Variants in IGF2BP2 observed in about 807,000 individuals in gnomAD.
IGF2BP2 encodes insulin-like growth factor 2 mRNA-binding protein 2.
A neutral mutation model predicts 75.8 loss-of-function variants in IGF2BP2; 17 were observed. The observed-to-expected ratio is 0.22, with a 90% confidence interval of 0.15 to 0.34. IGF2BP2 has a LOEUF of 0.34. IGF2BP2 is among the 10% of genes least tolerant of loss of function. IGF2BP2 has a pLI of 1.00. For missense variants in IGF2BP2, 516 were observed against 772.4 expected, an observed-to-expected ratio of 0.67 and a Z score of 3.93; for synonymous variants, 288 against 295.6, an observed-to-expected ratio of 0.97 and a Z score of 0.26.
intron 3 of IGF2BP2, among the ~76,000 whole-genome samples, chr3:185,697,262 T>C (rs1722703825): frequency 6.6e-6 from 1 of 152,118 alleles, no homozygotes; most frequent in Admixed American, 6.6e-5. Flanking sequence ...CCTGTCACCA[T>C]GCCTGGCTAA....
At chr3:185,738,110 A>T (rs1368714181) in intron 2 of IGF2BP2, among the ~76,000 whole-genome samples, 1 of 152,246 alleles carries the variant, frequency 6.6e-6, no homozygotes, top group Non-Finnish European at 1.5e-5. Context: ...ATTCATAAAT[A>T]AAGGCATGAA....
intron 7 of IGF2BP2, among the ~76,000 whole-genome samples, chr3:185,676,492 C>A (rs994978288): frequency 2.2e-4 from 34 of 152,048 alleles, no homozygotes; most frequent in African/African-American, 8.2e-4. Context: ...GCCTCGGCAA[C>A]ATACTGAAAC....
chr3:185,750,588 TC>T (rs138008789), intron 2 of IGF2BP2, among the ~76,000 whole-genome samples: 1,566 of 152,288 alleles, frequency 0.01, 28 homozygotes, highest in African/African-American at 0.035. Context: ...TCACTTGTAA[TC>T]CAGGAACTCT....
At chr3:185,659,770 C>A (rs1449227859) in intron 10 of IGF2BP2, among the ~76,000 whole-genome samples, 1 of 151,818 alleles carries the variant, frequency 6.6e-6, no homozygotes, top group Non-Finnish European at 1.5e-5. Context: ...TCACAACAGT[C>A]CTATGAGAAG....
chr3:185,734,463 G>A (rs189975459), intron 2 of IGF2BP2, among the ~76,000 whole-genome samples: 62 of 146,836 alleles, frequency 4.2e-4, no homozygotes, highest in Non-Finnish European at 5.7e-4. Flanking sequence ...ATCGTTCAGC[G>A]TCTCTGTTCA....
intron 7 of IGF2BP2, among the ~76,000 whole-genome samples, chr3:185,676,733 TATATATATATATATTTACTGGAG>T (rs1382692828): frequency 1.5e-5 from 2 of 130,200 alleles, no homozygotes; most frequent in African/African-American, 3.0e-5. Context: ...TATGGAGATG[TATATATATATATATTTACTGGAG>T]ATATATATAT....
intron 10 of IGF2BP2, among the ~76,000 whole-genome samples, chr3:185,665,187 AGAGGAG>A (rs1717117972): frequency 8.8e-5 from 13 of 147,610 alleles, no homozygotes; most frequent in African/African-American, 2.7e-4. Context: ...AAAAAAAAAA[AGAGGAG>A]AAGAAGGAGA....
intron 1 of IGF2BP2, among the ~76,000 whole-genome samples, chr3:185,823,806 G>C (rs1560528734): frequency 6.6e-6 from 1 of 151,794 alleles, no homozygotes; most frequent in South Asian, 2.1e-4. Flanking sequence ...CGGGGCCCGG[G>C]GGCCCGCGCG....
chr3:185,653,387 G>A (rs1456541394), intron 12 of IGF2BP2, among the ~76,000 whole-genome samples: 4 of 152,094 alleles, frequency 2.6e-5, no homozygotes, highest in Non-Finnish European at 1.5e-5. Flanking sequence ...TTGGGAGACC[G>A]AGATGGACAG....
intron 2 of IGF2BP2, among the ~76,000 whole-genome samples, chr3:185,736,706 AG>A (rs1329705451): frequency 6.6e-6 from 1 of 152,274 alleles, no homozygotes; most frequent in Non-Finnish European, 1.5e-5. Context: ...ATCTGATGGC[AG>A]AGTTAATGAG....
At chr3:185,815,235 C>T (rs1740447527) in intron 2 of IGF2BP2, among the ~76,000 whole-genome samples, 1 of 152,134 alleles carries the variant, frequency 6.6e-6, no homozygotes, top group Admixed American at 6.5e-5. Context: ...ATGACTAACA[C>T]TTTTAATTCT....
rs1211975363 is a variant in IGF2BP2 at position 185,675,990 on chromosome 3, T to G, written c.813-77A>C. The G allele has an allele frequency of 2.6e-6, 4 of 1,544,868 alleles. No individual in the cohort carries two copies. In the East Asian group the frequency reaches 9.2e-5, roughly 35 times the overall value. ...TCCCAAAAACCATTACCTTGCTTTT[T>G]TCTTATAAATGGAAGTCATTTTGTT... On this transcript the variant is annotated intron_variant, in intron 7 of 15. Transcript: ENST00000382199.
intron 9 of IGF2BP2, among the ~76,000 whole-genome samples, chr3:185,672,900 G>T (rs973139438): frequency 1.2e-4 from 19 of 152,152 alleles, no homozygotes; most frequent in African/African-American, 4.6e-4. Flanking sequence ...CATGGAAAAT[G>T]AGGCTCTTCC....
chr3:185,769,181 A>T (rs999696101), intron 2 of IGF2BP2, among the ~76,000 whole-genome samples: 2 of 151,904 alleles, frequency 1.3e-5, no homozygotes, highest in Non-Finnish European at 2.9e-5. Flanking sequence ...CCACCTCTAT[A>T]AAAATTTTTA....
intron 1 of IGF2BP2, 156 bp from the exon 2 acceptor site, chr3:185,823,369 TAGAA>T (rs547594257): frequency 1.0e-4 from 51 of 501,246 alleles, no homozygotes; most frequent in African/African-American, 9.7e-4. Context: ...TGGTTCCCAG[TAGAA>T]AGAAAGGTGG....
intron 2 of IGF2BP2, among the ~76,000 whole-genome samples, chr3:185,809,292 A>G (rs1739477922): frequency 6.6e-6 from 1 of 152,234 alleles, no homozygotes; most frequent in African/African-American, 2.4e-5. Context: ...GAAAGAAAAG[A>G]AAGACTGATT....
intron 2 of IGF2BP2, among the ~76,000 whole-genome samples, chr3:185,731,554 G>GC (rs1728179796): frequency 6.6e-6 from 1 of 152,122 alleles, no homozygotes; most frequent in African/African-American, 2.4e-5. Flanking sequence ...CACCAGGTCT[G>GC]CATCACTTTC....
chr3:185,658,119 T>A (rs1191572917), intron 11 of IGF2BP2, among the ~76,000 whole-genome samples: 1 of 152,166 alleles, frequency 6.6e-6, no homozygotes, highest in Non-Finnish European at 1.5e-5. Context: ...TGTGCGAGCA[T>A]CCACAGGTGC....
intron 2 of IGF2BP2, chr3:185,729,681 T>A (rs1486540332): frequency 6.6e-6 from 1 of 152,226 alleles, no homozygotes; most frequent in African/African-American, 2.4e-5. Flanking sequence ...AGATACTACA[T>A]GGCAACTAAC....
Sources: gnomAD v4.1 joint callset for allele counts (sites outside exome capture counted in the v4.1 genomes callset) on GRCh38, gnomAD v4.1.1 for gene constraint, MANE v1.5 for transcripts, NCBI Gene and HGNC (gene_info 2026-07-23, HGNC 2026-07-21) for gene names.